The following PSMA8 variants were observed in gnomAD, a reference collection of about 807,000 sequenced individuals.
PSMA8 encodes the protein proteasome 20S subunit alpha 8.
In PSMA8, 18 loss-of-function variants were observed where a neutral mutation model predicts 32.4. The observed-to-expected ratio is 0.56, with a 90% CI of 0.38 to 0.82. PSMA8 has a LOEUF of 0.82. Among genes scored for constraint, PSMA8 ranks in the 40% least tolerant of loss-of-function variants. The pLI is 0.00. For synonymous variants in PSMA8, 104 were observed against 98.1 expected (o/e 1.06, Z -0.36); for missense variants, 298 against 300.7 (o/e 0.99, Z 0.07).
At chr18:26,144,903 G>A (rs1305728416) in intron 2 of PSMA8, among the ~76,000 whole-genome samples, 1 of 152,058 alleles carries the variant, frequency 6.6e-6, no homozygotes, top group African/African-American at 2.4e-5. Context: ...CAAAATTTAG[G>A]TAGCTATTTT....
rs1055925171 is a variant in PSMA8, at chr18:26,144,657, T to A, written c.201T>A (p.Leu67=). The A allele has an allele frequency of 1.1e-5, 18 of 1,613,840 alleles. No individual in the cohort carries two copies. The highest frequency in any genetic ancestry group is 1.4e-5 in the Non-Finnish European group (17 of 1,179,934). ...DERTVRKICA[L]DDHVCMAFAG... Reference sequence around the variant, plus strand: ...GAACTGTGAGGAAAATTTGTGCCCTTGATGACCATGTCTGCATGGCTTTTG... The same window carrying A: ...GAACTGTGAGGAAAATTTGTGCCCTAGATGACCATGTCTGCATGGCTTTTG... The change falls in exon 2 of 7, where the codon CTT becomes CTA. Residue 67 remains leucine (L), a synonymous_variant. Transcript: ENST00000415576.
intron 2 of PSMA8, among the ~76,000 whole-genome samples, chr18:26,149,082 A>G: frequency 6.6e-6 from 1 of 152,014 alleles, no homozygotes; most frequent in East Asian, 1.9e-4. Context: ...GCCTCAAGTG[A>G]TCCTCCCATC....
At chr18:26,140,673 A>T (rs749187323) in intron 1 of PSMA8, among the ~76,000 whole-genome samples, 15 of 152,172 alleles carry the variant, frequency 9.9e-5, no homozygotes, top group Non-Finnish European at 2.1e-4. Flanking sequence ...ACTTTTATTT[A>T]TTTAGAAAAT....
chr18:26,143,490 A>AT (rs763731457), intron 1 of PSMA8, among the ~76,000 whole-genome samples: 11 of 152,230 alleles, frequency 7.2e-5, no homozygotes, highest in Non-Finnish European at 1.6e-4. Flanking sequence ...TTATTATAAA[A>AT]TAAAAATTTA....
At chr18:26,177,593 A>G (rs1186946704) in intron 4 of PSMA8, among the ~76,000 whole-genome samples, 1 of 152,216 alleles carries the variant, frequency 6.6e-6, no homozygotes, top group East Asian at 1.9e-4. Context: ...GAATTAAAAG[A>G]ATATGCTGCC....
chr18:26,156,636 A>T lies in PSMA8; in HGVS notation c.355-1486A>T, dbSNP rs562270700. Reference sequence around the variant, plus strand: ...TGTTTGTAGAAATAGAGAATAGCATACTGTGTGTGTATATATATTTTATAT... The same window carrying T: ...TGTTTGTAGAAATAGAGAATAGCATTCTGTGTGTGTATATATATTTTATAT... On this transcript the variant is annotated intron_variant, in intron 3 of 6. Transcript: ENST00000415576. Among the ~76,000 whole-genome samples, 186 of 149,488 alleles carry T rather than the reference A, an allele frequency of 1.2e-3. 2 individuals carry two copies. The highest frequency in any genetic ancestry group is 4.1e-3 in the African/African-American group (169 of 41,018).
At chr18:26,144,837 G>A (rs1486069170) in intron 2 of PSMA8, 152 bp downstream of exon 2, 1 of 593,712 alleles carries the variant, frequency 1.7e-6, no homozygotes. Context: ...TACTAACTTT[G>A]TAAACCAGGA....
chr18:26,142,765 C>T (rs1277184871), intron 1 of PSMA8, among the ~76,000 whole-genome samples: 2 of 152,194 alleles, frequency 1.3e-5, no homozygotes, highest in African/African-American at 2.4e-5. Flanking sequence ...TGTGTCCTCA[C>T]ATGGTGGAAA....
intron 6 of PSMA8, among the ~76,000 whole-genome samples, chr18:26,186,579 T>A (rs1024959830): frequency 3.9e-5 from 6 of 152,174 alleles, no homozygotes; most frequent in African/African-American, 1.4e-4. Flanking sequence ...GTATCTAAGT[T>A]ACTAAGAAGT....
In PSMA8 at chr18:26,158,244, G is replaced by A; in HGVS notation, c.477G>A (p.Lys159=). The A allele has an allele frequency of 1.3e-6, 2 of 1,591,786 alleles. No individual in the cohort carries two copies. Among genetic ancestry groups the A allele is most frequent in the Non-Finnish European group, 1.7e-6 (2 of 1,170,818 alleles). The change falls in exon 4 of 7, where the codon AAG becomes AAA. Residue 159 remains lysine (K), a splice_region_variant and synonymous_variant. Coordinates refer to ENST00000415576, the MANE Select transcript of PSMA8 (RefSeq NM_001025096.2). ...TDPSGTYHAW[K]ANAIGRSAKT... ...CTTCTGGTACTTATCATGCTTGGAA[G>A]GTGAGTCATGAATTTATTAATACTT...
At chr18:26,192,292 G>A (rs767130224) in intron 6 of PSMA8, 27 bp from the exon 7 acceptor site, 1,985 of 1,443,458 alleles carry the variant, frequency 1.4e-3, no homozygotes, top group Non-Finnish European at 1.7e-3. Flanking sequence ...ACTGACATTT[G>A]ATCTTTAAAT....
At chr18:26,145,179 C>T (rs1214161591) in intron 2 of PSMA8, among the ~76,000 whole-genome samples, 3 of 152,074 alleles carry the variant, frequency 2.0e-5, no homozygotes, top group Non-Finnish European at 4.4e-5. Context: ...AGTGCAATGG[C>T]GCGATCTCTG....
At chr18:26,168,477 C>A (rs1312947939) in intron 4 of PSMA8, among the ~76,000 whole-genome samples, 1 of 123,208 alleles carries the variant, frequency 8.1e-6, no homozygotes, top group Non-Finnish European at 1.6e-5. Context: ...CCTAACCAAC[C>A]CTTTCCCCTT....
chr18:26,154,860 C>G (rs952086083), intron 3 of PSMA8, among the ~76,000 whole-genome samples: 1 of 152,082 alleles, frequency 6.6e-6, no homozygotes, highest in African/African-American at 2.4e-5. Flanking sequence ...CGTGATCTAC[C>G]CGCCTCAGCC....
intron 6 of PSMA8, among the ~76,000 whole-genome samples, chr18:26,180,759 T>G (rs2055304655): frequency 6.6e-6 from 1 of 150,592 alleles, no homozygotes; most frequent in Admixed American, 6.6e-5. Flanking sequence ...TGCTTTTGAG[T>G]GATAGAATGG....
chr18:26,175,314 T>G (rs2055255250), intron 4 of PSMA8, among the ~76,000 whole-genome samples: 1 of 152,170 alleles, frequency 6.6e-6, no homozygotes, highest in African/African-American at 2.4e-5. Flanking sequence ...TATTAGGAAG[T>G]GCCATTGGTA....
Position 26,158,176 on chromosome 18 carries a change from G to C in PSMA8, c.409G>C (p.Gly137Arg), listed in dbSNP as rs765411371. ...TTTTGGTATTTCTGCCTTAATTGTA[G>C]GTTTTGATGATGATGGTATCTCAAG... ...RPFGISALIV[G>R]FDDDGISRLY... The change falls in exon 4 of 7, where the codon GGT (glycine) becomes CGT (arginine). Residue 137 changes from glycine (G) to arginine (R), a missense_variant. Physicochemically the swap from Gly to Arg is moderately radical, Grantham distance 125 (BLOSUM62 -2). Coordinates refer to ENST00000415576, the MANE Select transcript of PSMA8 (RefSeq NM_001025096.2). 4.4e-6 allele frequency: 7 copies of C among 1,607,214 alleles called. No homozygotes were observed. The highest frequency in any genetic ancestry group is 6.0e-6 in the Non-Finnish European group (7 of 1,174,414).
intron 4 of PSMA8, among the ~76,000 whole-genome samples, chr18:26,159,661 G>A (rs186800540): frequency 2.0e-5 from 3 of 152,072 alleles, no homozygotes; most frequent in East Asian, 3.9e-4. Flanking sequence ...TCTTAGGGAC[G>A]TACAGAGAAG....
At chr18:26,143,824 C>T (rs1374745270) in intron 1 of PSMA8, among the ~76,000 whole-genome samples, 9 of 152,160 alleles carry the variant, frequency 5.9e-5, no homozygotes, top group Middle Eastern at 3.4e-3. Context: ...TGGGTTCCAG[C>T]GATTCTCCTG....
Sources: allele counts gnomAD v4.1 joint callset (sites outside exome capture counted in the v4.1 genomes callset), GRCh38; gene constraint gnomAD v4.1.1; transcripts MANE v1.5; gene names NCBI Gene and HGNC (gene_info 2026-07-23, HGNC 2026-07-21).